The following GPC6 variants were observed in gnomAD, a reference collection of about 807,000 sequenced individuals.
GPC6 encodes glypican-6.
GPC6 carries 14 observed loss-of-function variants against 55.2 expected under a neutral mutation model. That is an observed-to-expected ratio of 0.25 (90% CI 0.17 to 0.40). The LOEUF (loss-of-function observed/expected upper bound fraction) is 0.40, where lower values mean the gene tolerates loss of function less well. GPC6 is among the 10% of genes least tolerant of loss of function. The pLI is 1.00. For missense variants in GPC6, 641 were observed against 708.5 expected (o/e 0.90, Z 1.08); for synonymous variants, 278 against 259.6 (o/e 1.07, Z -0.68).
intron 6 of GPC6, among the ~76,000 whole-genome samples, chr13:94,361,225 G>A (rs572520315): frequency 5.9e-5 from 9 of 152,198 alleles, no homozygotes; most frequent in Admixed American, 5.9e-4. Flanking sequence ...ACTCCTTGTT[G>A]TACAGGTCAA....
chr13:93,826,494 T>G (rs560782586), intron 2 of GPC6, among the ~76,000 whole-genome samples: 1 of 152,194 alleles, frequency 6.6e-6, no homozygotes, highest in African/African-American at 2.4e-5. Context: ...TTAAGCAAGT[T>G]TTTAATAGGA....
intron 3 of GPC6, among the ~76,000 whole-genome samples, chr13:93,986,685 A>G (rs575436380): frequency 6.6e-6 from 1 of 152,196 alleles, no homozygotes; most frequent in Non-Finnish European, 1.5e-5. Flanking sequence ...TATAAAGAAG[A>G]GTATGAAGAA....
intron 6 of GPC6, among the ~76,000 whole-genome samples, chr13:94,312,264 G>A (rs1281003914): frequency 6.6e-6 from 1 of 152,182 alleles, no homozygotes; most frequent in Non-Finnish European, 1.5e-5. Context: ...TGACAAACAT[G>A]TTGTTAATAT....
At chr13:93,655,649 T>G (rs1026995192) in intron 2 of GPC6, among the ~76,000 whole-genome samples, 2 of 152,174 alleles carry the variant, frequency 1.3e-5, no homozygotes, top group African/African-American at 2.4e-5. Context: ...ATGTGTATAC[T>G]AACAAATCAG....
At chr13:93,799,313 GA>G (rs1886298168) in intron 2 of GPC6, among the ~76,000 whole-genome samples, 1 of 152,122 alleles carries the variant, frequency 6.6e-6, no homozygotes, top group African/African-American at 2.4e-5. Context: ...TTTCAAATCT[GA>G]GTGATTTATG....
chr13:94,009,250 A>G (rs961667350), intron 3 of GPC6, among the ~76,000 whole-genome samples: 3 of 152,194 alleles, frequency 2.0e-5, no homozygotes, highest in African/African-American at 2.4e-5. Flanking sequence ...ATGTATTGAA[A>G]CATAAATGGT....
At chr13:93,654,473 G>A (rs1880566557) in intron 2 of GPC6, among the ~76,000 whole-genome samples, 1 of 151,980 alleles carries the variant, frequency 6.6e-6, no homozygotes, top group Non-Finnish European at 1.5e-5. Context: ...GATTACAGGT[G>A]CTTGCCACCA....
chr13:93,961,104 G>A (rs1007547081), intron 3 of GPC6, among the ~76,000 whole-genome samples: 6 of 152,012 alleles, frequency 3.9e-5, no homozygotes, highest in South Asian at 2.1e-4. Flanking sequence ...GTGAGCCACC[G>A]CACTTGGCCT....
At chr13:94,178,482 TAGA>T (rs1356653628) in intron 4 of GPC6, among the ~76,000 whole-genome samples, 2 of 152,214 alleles carry the variant, frequency 1.3e-5, no homozygotes, top group South Asian at 2.1e-4. Flanking sequence ...TGCCTATGCA[TAGA>T]AGAAGAAGCT....
At chr13:93,739,380 A>T (rs1884119890) in intron 2 of GPC6, among the ~76,000 whole-genome samples, 1 of 152,042 alleles carries the variant, frequency 6.6e-6, no homozygotes, top group Admixed American at 6.5e-5. Flanking sequence ...TTTTAATTAT[A>T]CATAATAAAT....
chr13:93,223,019 CTTTTTTTTT>C (rs3073915), upstream of GPC6, among the ~76,000 whole-genome samples: 251 of 100,780 alleles, frequency 2.5e-3, 3 homozygotes, highest in Middle Eastern at 0.058. Flanking sequence ...AGGGAAAACA[CTTTTTTTTT>C]TTTTTTTTTT....
At chr13:93,931,593 G>A (rs571866332) in intron 3 of GPC6, among the ~76,000 whole-genome samples, 11 of 151,798 alleles carry the variant, frequency 7.2e-5, no homozygotes, top group South Asian at 2.1e-4. Flanking sequence ...GCGAAACCCC[G>A]TCTCTACTAA....
chr13:93,469,190 A>C (rs117263326), intron 1 of GPC6, among the ~76,000 whole-genome samples: 189 of 152,322 alleles, frequency 1.2e-3, no homozygotes, highest in Non-Finnish European at 2.1e-3. Flanking sequence ...TCCCACTTCA[A>C]AATTCAATAA....
At chr13:93,979,319 T>TGTGTGTGTG (rs1246947385) in intron 3 of GPC6, among the ~76,000 whole-genome samples, 3 of 93,748 alleles carry the variant, frequency 3.2e-5, no homozygotes, top group Non-Finnish European at 4.8e-5. Flanking sequence ...GTGTGTGTGT[T>TGTGTGTGTG]TGTGTGTGTT....
At chr13:94,392,193 A>C (rs980347928) in intron 7 of GPC6, among the ~76,000 whole-genome samples, 2 of 152,216 alleles carry the variant, frequency 1.3e-5, no homozygotes, top group East Asian at 3.9e-4. Flanking sequence ...TCATGTATAT[A>C]ATAATGAGAT....
chr13:93,315,966 G>T (rs17234362), intron 1 of GPC6, among the ~76,000 whole-genome samples: 18,195 of 151,964 alleles, frequency 0.12, 1,293 homozygotes, highest in East Asian at 0.35. Flanking sequence ...GTTCATATAT[G>T]TGCTGTCTTT....
intron 1 of GPC6, among the ~76,000 whole-genome samples, chr13:93,523,012 A>AAT (rs748650988): frequency 5.4e-3 from 254 of 47,042 alleles, no homozygotes; most frequent in African/African-American, 8.3e-3. Flanking sequence ...AGAGGGAAAA[A>AAT]ATATATATAT....
intron 3 of GPC6, among the ~76,000 whole-genome samples, chr13:93,913,407 A>G (rs1362503043): frequency 6.6e-6 from 1 of 152,216 alleles, no homozygotes; most frequent in Non-Finnish European, 1.5e-5. Flanking sequence ...ACTTCTATGC[A>G]AAATACAGCA....
chr13:93,354,361 T>TTTGTTTTTTG (rs1555293321), intron 1 of GPC6, among the ~76,000 whole-genome samples: 2 of 145,966 alleles, frequency 1.4e-5, no homozygotes, highest in African/African-American at 5.2e-5. Flanking sequence ...TTTTTTTTTT[T>TTTGTTTTTTG]TTTTTTTGAG....
Sources: allele counts gnomAD v4.1 joint callset (sites outside exome capture counted in the v4.1 genomes callset), GRCh38; gene constraint gnomAD v4.1.1; transcripts MANE v1.5; gene names NCBI Gene and HGNC (gene_info 2026-07-23, HGNC 2026-07-21).